Variants in RBFOX1 observed in about 807,000 individuals in gnomAD.
RBFOX1 encodes the protein RNA binding fox-1 homolog 1, also known as RNA binding protein fox-1 homolog 1.
A neutral mutation model predicts 57.7 loss-of-function variants in RBFOX1; 8 were observed. The ratio of observed to expected loss-of-function variants is 0.14; its 90% CI spans 0.08 to 0.25. The LOEUF is 0.25. Among genes scored for constraint, RBFOX1 ranks in the 10% least tolerant of loss-of-function variants. The probability of loss-of-function intolerance (pLI) is 1.00; values close to 1 mark genes in which losing one functional copy is unlikely to be tolerated. For missense variants in RBFOX1, 611 were observed against 548.5 expected, an observed-to-expected ratio of 1.11 and a Z score of -1.14; for synonymous variants, 326 against 222.4, an observed-to-expected ratio of 1.47 and a Z score of -4.15.
At chr16:7,334,452 T>G (rs997485283) in intron 4 of RBFOX1, among the ~76,000 whole-genome samples, 5 of 152,134 alleles carry the variant, frequency 3.3e-5, no homozygotes, top group Non-Finnish European at 7.3e-5. Flanking sequence ...GAAGGTCGGC[T>G]GTTGGAGCTT....
Position 5,781,290 on chromosome 16 carries a change from T to A in RBFOX1, c.319-86013T>A, listed in dbSNP as rs726240. ...GTACAGTTTCAATTTGCTTAGAAGC[T>A]TAAGGTTTATCCATAGCCTCCTCCT... On this transcript the variant is annotated intron_variant, in intron 3 of 19. Coordinates refer to the RBFOX1 transcript ENST00000641259. Among the ~76,000 whole-genome samples the A allele has an allele frequency of 5.9e-5, 9 of 152,178 alleles. No individual in the cohort carries two copies. In the South Asian group the frequency reaches 1.0e-3, roughly 18 times the overall value.
At chr16:6,061,815 G>C (rs1006488415) in intron 1 of RBFOX1, among the ~76,000 whole-genome samples, 7 of 152,122 alleles carry the variant, frequency 4.6e-5, no homozygotes, top group Non-Finnish European at 8.8e-5. Context: ...TTCTCCAGCA[G>C]ATACCAATGG....
chr16:7,568,790 G>C (rs554830950), intron 5 of RBFOX1, among the ~76,000 whole-genome samples: 11 of 148,826 alleles, frequency 7.4e-5, no homozygotes, highest in African/African-American at 2.7e-4. Context: ...GGGAGGCTGA[G>C]GCAGGAGAAT....
chr16:7,080,048 A>ATT (rs1192939105), intron 4 of RBFOX1, among the ~76,000 whole-genome samples: 1 of 143,180 alleles, frequency 7.0e-6, no homozygotes, highest in South Asian at 2.2e-4. Context: ...AGATGTATAT[A>ATT]TATATACATA....
chr16:6,698,211 T>C (rs2061332878), intron 3 of RBFOX1, among the ~76,000 whole-genome samples: 1 of 152,142 alleles, frequency 6.6e-6, no homozygotes, highest in East Asian at 1.9e-4. Flanking sequence ...AATTTGACAA[T>C]TAGATCATGT....
At chr16:7,425,020 T>C (rs902486820) in intron 4 of RBFOX1, among the ~76,000 whole-genome samples, 2 of 152,208 alleles carry the variant, frequency 1.3e-5, no homozygotes, top group Non-Finnish European at 2.9e-5. Flanking sequence ...TATTATTATT[T>C]TGACATAAAA....
intron 2 of RBFOX1, among the ~76,000 whole-genome samples, chr16:6,583,474 G>C (rs1231065470): frequency 6.6e-6 from 1 of 152,248 alleles, no homozygotes; most frequent in Non-Finnish European, 1.5e-5. Flanking sequence ...TGGATGAACA[G>C]TGCTTAGTCA....
chr16:6,019,467 G>A lies in RBFOX1; in HGVS notation c.-652G>A. 2.0e-6 allele frequency: 2 copies of A among 997,112 alleles called. No homozygotes were observed. Among genetic ancestry groups the A allele is most frequent in the Non-Finnish European group, 1.2e-6 (1 of 837,980 alleles). The allele number at this position is 997,112 out of a possible 1,614,324, so 61.8% of individuals were successfully genotyped here. A position where few individuals can be genotyped will look rare whatever the true frequency, so the allele number is the denominator to read the frequency against. On this transcript the variant is annotated 5_prime_UTR_variant, in exon 1 of 16. Transcript: ENST00000550418. The surrounding 1 kb of genome is among the most constrained non-coding windows in gnomAD (Gnocchi z 4.2). ...GGTGGGGAAACCCGAACTCGCGGAG[G>A]GGAATCCCTCCCCCTCCGCCCCAGC... is the stretch of plus-strand genomic sequence containing the variant.
chr16:5,375,045 C>T (rs988503910), intron 1 of RBFOX1, among the ~76,000 whole-genome samples: 10 of 135,624 alleles, frequency 7.4e-5, no homozygotes, highest in African/African-American at 2.9e-4. Context: ...GGCAGTAGTT[C>T]CTGATCTGTG....
intron 10 of RBFOX1, among the ~76,000 whole-genome samples, chr16:7,623,888 A>G (rs1249815617): frequency 6.6e-6 from 1 of 152,152 alleles, no homozygotes; most frequent in Non-Finnish European, 1.5e-5. Context: ...AGGCCCACCC[A>G]TATGACCTCA....
chr16:7,090,348 A>G (rs1310750971), intron 4 of RBFOX1, among the ~76,000 whole-genome samples: 1 of 152,186 alleles, frequency 6.6e-6, no homozygotes, highest in Non-Finnish European at 1.5e-5. Context: ...TTTTACTAAG[A>G]TGGAAAACTT....
At chr16:7,311,767 G>A (rs1021828869) in intron 4 of RBFOX1, among the ~76,000 whole-genome samples, 2 of 152,172 alleles carry the variant, frequency 1.3e-5, no homozygotes, top group Non-Finnish European at 1.5e-5. Context: ...GATCTATTTA[G>A]AGCCAGTTGG....
chr16:6,490,265 A>C (rs183923222), intron 2 of RBFOX1, among the ~76,000 whole-genome samples: 3 of 152,372 alleles, frequency 2.0e-5, no homozygotes, highest in Non-Finnish European at 4.4e-5. Flanking sequence ...AAGATCTTGC[A>C]AGTACGCAAT....
At chr16:6,594,523 G>T (rs1467675179) in intron 2 of RBFOX1, among the ~76,000 whole-genome samples, 1 of 152,096 alleles carries the variant, frequency 6.6e-6, no homozygotes, top group African/African-American at 2.4e-5. Flanking sequence ...AGGAATCAGT[G>T]CCTCTGATTT....
intron 1 of RBFOX1, among the ~76,000 whole-genome samples, chr16:5,242,919 C>T (rs561696659): frequency 5.3e-4 from 78 of 148,316 alleles, no homozygotes; most frequent in African/African-American, 1.8e-3. Flanking sequence ...GCAGATAAAT[C>T]GGGCCCCCAG....
chr16:6,091,582 G>T (rs1011785823), intron 1 of RBFOX1, among the ~76,000 whole-genome samples: 1 of 152,156 alleles, frequency 6.6e-6, no homozygotes, highest in Non-Finnish European at 1.5e-5. Flanking sequence ...GTAATCCCAG[G>T]ACTTTTGAAG....
chr16:6,539,221 A>C (rs2153829864), intron 2 of RBFOX1, among the ~76,000 whole-genome samples: 1 of 152,270 alleles, frequency 6.6e-6, no homozygotes, highest in East Asian at 1.9e-4. Flanking sequence ...AGGCACTTAT[A>C]GGTTTAAACC....
At chr16:7,590,828 C>T (rs558029901) in intron 7 of RBFOX1, among the ~76,000 whole-genome samples, 1 of 147,086 alleles carries the variant, frequency 6.8e-6, no homozygotes, top group African/African-American at 2.5e-5. Flanking sequence ...CATTGCATTC[C>T]AGCCTGGGCA....
chr16:7,233,658 A>C lies in RBFOX1; in HGVS notation c.27+181560A>C, dbSNP rs555659395. Among the ~76,000 whole-genome samples, 3 of 152,350 alleles carry C rather than the reference A, an allele frequency of 2.0e-5. No homozygotes were observed. The East Asian group carries it at 5.8e-4, about 29-fold the overall frequency. On this transcript the variant is annotated intron_variant, in intron 4 of 15. Transcript: ENST00000550418. ...TTGTTTCCCTGGATGCTGCCCTTTCAACAAGAAATGCGACCTTAGCAAAAG... is the reference window on the plus strand; with the variant it reads ...TTGTTTCCCTGGATGCTGCCCTTTCCACAAGAAATGCGACCTTAGCAAAAG...
Sources: gnomAD v4.1 joint callset for allele counts (sites outside exome capture counted in the v4.1 genomes callset) on GRCh38, gnomAD v4.1.1 for gene constraint, Gnocchi (gnomAD v3.1) non-coding constraint, MANE v1.5 for transcripts, NCBI Gene and HGNC (gene_info 2026-07-23, HGNC 2026-07-21) for gene names.